Variants in ABHD2 observed in about 807,000 individuals in gnomAD.
ABHD2 encodes the protein monoacylglycerol lipase ABHD2.
Under a neutral mutation model 48.1 loss-of-function variants are expected in ABHD2, and 20 were observed. The observed-to-expected ratio is 0.42, with a 90% confidence interval of 0.29 to 0.60. The LOEUF (loss-of-function observed/expected upper bound fraction) is 0.60, where lower values mean the gene tolerates loss of function less well. Ranked by LOEUF, ABHD2 falls within the 20% of genes least tolerant of loss-of-function variation. ABHD2 has a pLI of 0.24. For synonymous variants in ABHD2, 209 were observed against 214.2 expected, an observed-to-expected ratio of 0.98 and a Z score of 0.21; for missense variants, 405 against 550.9, an observed-to-expected ratio of 0.74 and a Z score of 2.65.
intron 6 of ABHD2, chr15:89,183,422 G>C: frequency 1.1e-5 from 1 of 94,546 alleles, no homozygotes; most frequent in Non-Finnish European, 2.2e-5. Context: ...TATATGAGAT[G>C]AATGTAATAC....
At position 89,195,715 on chromosome 15, in the gene ABHD2, A is replaced by G. The variant is rs1032811117; in HGVS notation, c.*292A>G. 4 of 346,252 alleles carry G rather than the reference A, an allele frequency of 1.2e-5. No homozygotes were observed. The highest frequency in any genetic ancestry group is 8.5e-5 in the African/African-American group (4 of 47,254). The allele number at this position is 346,252 out of a possible 1,614,324, so 21.4% of individuals were successfully genotyped here. A position where few individuals can be genotyped will look rare whatever the true frequency, so the allele number is the denominator to read the frequency against. On this transcript the variant is annotated 3_prime_UTR_variant, in exon 11 of 11. Transcript: ENST00000352732. The surrounding 1 kb of genome is among the most constrained non-coding windows in gnomAD (Gnocchi z 5.1). Reference sequence around the variant, plus strand: ...ATCTGGTTGCTTTTAAGCCAAGTACATCTAGTTTCCCTATTAAAAATGTGT... The same window carrying G: ...ATCTGGTTGCTTTTAAGCCAAGTACGTCTAGTTTCCCTATTAAAAATGTGT...
At chr15:89,052,324 C>T in the ABHD2 span, among the ~76,000 whole-genome samples, 1 of 152,048 alleles carries the variant, frequency 6.6e-6, no homozygotes, top group Non-Finnish European at 1.5e-5. Context: ...AAACTATCAG[C>T]TGACATACAT....
chr15:89,077,054 C>T, the ABHD2 span, among the ~76,000 whole-genome samples: 96 of 152,208 alleles, frequency 6.3e-4, no homozygotes, highest in African/African-American at 2.2e-3. Context: ...CATAAGTGAG[C>T]AGCTTGATGA....
chr15:89,177,455 A>C lies in ABHD2; in HGVS notation c.722+1460A>C, dbSNP rs2051034097. 6.6e-6 allele frequency among the ~76,000 whole-genome samples: 1 copy of C among 152,120 alleles called. No homozygotes were observed. Among genetic ancestry groups the C allele is most frequent in the Non-Finnish European group, 1.5e-5 (1 of 68,018 alleles). On this transcript the variant is annotated intron_variant, in intron 6 of 10. Transcript: ENST00000352732. This position sits in a 1 kb window ranked among gnomAD's most constrained non-coding sequence, Gnocchi z 5.6. ...AAAGAAATTCTGTTTCTTGGGCCCC[A>C]CCCTTGGAGATTTTGATTCATGAAG...
chr15:89,086,702 A>C (rs904537981), upstream of ABHD2, among the ~76,000 whole-genome samples: 1 of 152,232 alleles, frequency 6.6e-6, no homozygotes, highest in African/African-American at 2.4e-5. Flanking sequence ...GTACCGGTCC[A>C]TGTTTTGATA....
Position 89,114,777 on chromosome 15 carries a change from C to T in ABHD2, c.-7+953C>T, listed in dbSNP as rs1025034066. On this transcript the variant is annotated intron_variant, in intron 2 of 10. Transcript: ENST00000352732. This position sits in a 1 kb window ranked among gnomAD's most constrained non-coding sequence, Gnocchi z 4.2. ...TGATTACAGGCATGAGCCATGGTGCCCAGCCCAGAAGTTAAGTTTTAGGAA... is the reference window on the plus strand; with the variant it reads ...TGATTACAGGCATGAGCCATGGTGCTCAGCCCAGAAGTTAAGTTTTAGGAA... Among the ~76,000 whole-genome samples, 3 of 152,180 alleles carry T rather than the reference C, an allele frequency of 2.0e-5. No homozygotes were observed. Among genetic ancestry groups the T allele is most frequent in the African/African-American group, 7.2e-5 (3 of 41,444 alleles).
chr15:89,193,300 C>T lies in ABHD2; in HGVS notation c.1062C>T (p.Thr354=), dbSNP rs768554147. The change falls in exon 10 of 11, where the codon ACC becomes ACT. Residue 354 remains threonine, a synonymous_variant. Coordinates refer to ENST00000352732, the MANE Select transcript of ABHD2 (RefSeq NM_152924.5). ...CGTTGGTGCATGAAAGTCTTCTAAC[C>T]ATTCCAAAATCTCTTTCAGGTAAGT... is the stretch of plus-strand genomic sequence containing the variant. ...DDPLVHESLL[T]IPKSLSEKRE... 2.5e-6 allele frequency: 4 copies of T among 1,614,164 alleles called. No homozygotes were observed. The highest frequency in any genetic ancestry group is 3.3e-5 in the Admixed American group (2 of 60,034).
intron 3 of ABHD2, among the ~76,000 whole-genome samples, chr15:89,145,299 G>T (rs970108202): frequency 3.3e-5 from 5 of 152,168 alleles, no homozygotes; most frequent in African/African-American, 9.7e-5. Flanking sequence ...CAGCCCTTTT[G>T]TGTGCTCAGA....
intron 3 of ABHD2, among the ~76,000 whole-genome samples, chr15:89,145,873 T>C (rs891745435): frequency 6.6e-6 from 1 of 152,188 alleles, no homozygotes; most frequent in African/African-American, 2.4e-5. Flanking sequence ...CACGCCTGGT[T>C]CTCCAGCCTC....
Position 89,102,581 on chromosome 15 carries a change from G to T in ABHD2, c.-106-11144G>T, listed in dbSNP as rs548128903. Reference sequence around the variant, plus strand: ...ATGCCAGTGAATTAATTTTTGGTAAGTGGGGTAATTTTCTTTCCTAATCTC... The same window carrying T: ...ATGCCAGTGAATTAATTTTTGGTAATTGGGGTAATTTTCTTTCCTAATCTC... On this transcript the variant is annotated intron_variant, in intron 1 of 10. Coordinates refer to ENST00000352732, the MANE Select transcript of ABHD2 (RefSeq NM_152924.5). This position sits in a 1 kb window ranked among gnomAD's most constrained non-coding sequence, Gnocchi z 4.8. 2.6e-5 allele frequency: 4 copies of T among 152,234 alleles called. No individual in the cohort carries two copies. Among genetic ancestry groups the T allele is most frequent in the Non-Finnish European group, 5.9e-5 (4 of 68,036 alleles). 9.4% of individuals were successfully genotyped at this position (152,234 alleles called of 1,614,324 possible).
chr15:89,193,125 C>T, intron 9 of ABHD2, 110 bp from the exon 10 acceptor site: 1 of 1,001,146 alleles, frequency 1.0e-6, no homozygotes, highest in Non-Finnish European at 1.5e-6. Context: ...GAGCTGTGAC[C>T]CTCTTCCCTT....
the ABHD2 span, among the ~76,000 whole-genome samples, chr15:89,067,785 ACTTGTTCTCCAT>A: frequency 6.6e-6 from 1 of 152,068 alleles, no homozygotes; most frequent in Non-Finnish European, 1.5e-5. Flanking sequence ...AACTCTATTC[ACTTGTTCTCCAT>A]CTTTTCCTTC....
the ABHD2 span, among the ~76,000 whole-genome samples, chr15:89,042,350 T>C: frequency 2.6e-5 from 4 of 152,186 alleles, no homozygotes; most frequent in Non-Finnish European, 4.4e-5. Context: ...AACATCTTTT[T>C]ACCAGGTCAA....
intron 5 of ABHD2, among the ~76,000 whole-genome samples, chr15:89,170,319 A>G (rs999976723): frequency 1.4e-4 from 21 of 148,784 alleles, no homozygotes; most frequent in African/African-American, 5.2e-4. Context: ...CTGGTCTTGA[A>G]CTCCTGAACT....
At chr15:89,118,087 G>T (rs564780942) in intron 3 of ABHD2, among the ~76,000 whole-genome samples, 6 of 152,228 alleles carry the variant, frequency 3.9e-5, no homozygotes, top group African/African-American at 1.4e-4. Context: ...TATATGCAGT[G>T]TTTGCAGTTA....
intron 1 of ABHD2, among the ~76,000 whole-genome samples, chr15:89,108,187 T>C (rs1447033958): frequency 6.6e-6 from 1 of 152,178 alleles, no homozygotes. Flanking sequence ...GGGCATATTC[T>C]CTCACCATTC....
chr15:89,060,752 A>AG, the ABHD2 span, among the ~76,000 whole-genome samples: 3,261 of 152,242 alleles, frequency 0.021, 118 homozygotes, highest in African/African-American at 0.074. Flanking sequence ...ATAAAGACAA[A>AG]GGGGGGAAGT....
At chr15:89,158,478 T>A (rs2050709962) in intron 5 of ABHD2, among the ~76,000 whole-genome samples, 1 of 152,092 alleles carries the variant, frequency 6.6e-6, no homozygotes, top group Non-Finnish European at 1.5e-5. Context: ...GAAGAATAGG[T>A]TAAGTGCAGG....
chr15:89,046,412 A>G, the ABHD2 span, among the ~76,000 whole-genome samples: 1 of 152,090 alleles, frequency 6.6e-6, no homozygotes, highest in East Asian at 1.9e-4. Flanking sequence ...CTGGCCTCAT[A>G]AAATGAGTTA....
Sources: allele counts gnomAD v4.1 joint callset (sites outside exome capture counted in the v4.1 genomes callset), GRCh38; gene constraint gnomAD v4.1.1; non-coding constraint Gnocchi (gnomAD v3.1); transcripts MANE v1.5; gene names NCBI Gene and HGNC (gene_info 2026-07-23, HGNC 2026-07-21).